RYR2: variants seen among roughly 807,000 people sequenced by gnomAD.
The protein encoded by RYR2 is ryanodine receptor 2, also known as cardiac muscle ryanodine receptor-calcium release channel.
RYR2 carries 227 observed loss-of-function variants against 601.1 expected under a neutral mutation model. That is an observed-to-expected ratio of 0.38 (90% CI 0.34 to 0.42). The LOEUF is 0.42. RYR2 is among the 10% of genes least tolerant of loss of function. The pLI, the probability that RYR2 is intolerant of heterozygous loss-of-function variation, is 1.00. For synonymous variants in RYR2, 2,223 were observed against 2,175.1 expected (o/e 1.02, Z -0.61); for missense variants, 4,646 against 6,156.5 (o/e 0.75, Z 8.21).
At chr1:237,600,929 C>G (rs1024517796) in intron 34 of RYR2, among the ~76,000 whole-genome samples, 1 of 151,962 alleles carries the variant, frequency 6.6e-6, no homozygotes, top group African/African-American at 2.4e-5. Flanking sequence ...ATCAAAAAGA[C>G]AAAAGATAAT....
intron 79 of RYR2, among the ~76,000 whole-genome samples, chr1:237,741,331 T>C (rs1691586721): frequency 1.3e-5 from 2 of 152,058 alleles, no homozygotes; most frequent in Admixed American, 6.5e-5. Context: ...ATGCCCAGAG[T>C]ACTGTGTCTC....
intron 1 of RYR2, among the ~76,000 whole-genome samples, chr1:237,218,180 T>G (rs1683394917): frequency 6.6e-6 from 1 of 152,208 alleles, no homozygotes; most frequent in African/African-American, 2.4e-5. Flanking sequence ...TAAGGGTTAT[T>G]TTTCATTTTG....
At chr1:237,430,907 G>A (rs1029509982) in intron 12 of RYR2, among the ~76,000 whole-genome samples, 1 of 152,188 alleles carries the variant, frequency 6.6e-6, no homozygotes, top group Non-Finnish European at 1.5e-5. Context: ...AGATCCTTCT[G>A]TGATTTCTGC....
chr1:237,641,027 A>G (rs1191113966), intron 47 of RYR2, 25 bp downstream of exon 47: 1 of 1,542,968 alleles, frequency 6.5e-7, no homozygotes, highest in Non-Finnish European at 8.9e-7. Flanking sequence ...GTTCAGGAGC[A>G]GCAATCCTGA....
intron 10 of RYR2, among the ~76,000 whole-genome samples, chr1:237,414,536 C>G (rs547129417): frequency 1.3e-5 from 2 of 152,102 alleles, no homozygotes; most frequent in South Asian, 2.1e-4. Context: ...ATATATGGCA[C>G]AAAATTATTT....
chr1:237,736,961 G>T (rs945485154), intron 79 of RYR2, among the ~76,000 whole-genome samples: 1 of 152,112 alleles, frequency 6.6e-6, no homozygotes, highest in Non-Finnish European at 1.5e-5. Flanking sequence ...CTAGGAGGTG[G>T]CTTGTAAGGA....
intron 80 of RYR2, among the ~76,000 whole-genome samples, chr1:237,749,912 G>A (rs1434614962): frequency 3.3e-5 from 5 of 152,122 alleles, no homozygotes; most frequent in African/African-American, 4.8e-5. Context: ...TTGGGAGGCC[G>A]AGGTGGGTGG....
chr1:237,377,748 T>C (rs1244060490), intron 8 of RYR2, among the ~76,000 whole-genome samples: 4 of 152,192 alleles, frequency 2.6e-5, no homozygotes, highest in Non-Finnish European at 5.9e-5. Context: ...GAATTAAAAA[T>C]TCTATGGTCT....
chr1:237,056,926 C>T (rs1198807050), intron 1 of RYR2, among the ~76,000 whole-genome samples: 1 of 152,214 alleles, frequency 6.6e-6, no homozygotes, highest in Admixed American at 6.5e-5. Context: ...CCATCTCGGA[C>T]TCTGGGCCTC....
At chr1:237,389,720 A>G (rs1374052914) in intron 10 of RYR2, among the ~76,000 whole-genome samples, 1 of 152,166 alleles carries the variant, frequency 6.6e-6, no homozygotes, top group East Asian at 1.9e-4. Context: ...AGGAGATGGT[A>G]CATGTTTGCT....
At chr1:237,177,228 A>G (rs1678155481) in intron 1 of RYR2, among the ~76,000 whole-genome samples, 2 of 152,210 alleles carry the variant, frequency 1.3e-5, no homozygotes, top group African/African-American at 4.8e-5. Context: ...TTGGAATGGC[A>G]ATATGTCATG....
intron 1 of RYR2, among the ~76,000 whole-genome samples, chr1:237,091,786 C>T (rs1237755488): frequency 1.3e-5 from 2 of 152,202 alleles, no homozygotes; most frequent in Non-Finnish European, 2.9e-5. Context: ...TCTCCTTCCT[C>T]TGAGTCCTAT....
chr1:237,499,544 T>C (rs1664418830), intron 20 of RYR2, among the ~76,000 whole-genome samples: 2 of 152,190 alleles, frequency 1.3e-5, no homozygotes, highest in South Asian at 4.1e-4. Flanking sequence ...ACTAGACCTT[T>C]TTCTGCATTG....
At chr1:237,811,697 A>G (rs1661272154) in intron 100 of RYR2, among the ~76,000 whole-genome samples, 1 of 152,212 alleles carries the variant, frequency 6.6e-6, no homozygotes, top group Admixed American at 6.5e-5. Flanking sequence ...TTGATGGAGA[A>G]TGCAGGGGGA....
At position 237,697,175 on chromosome 1, in the gene RYR2, ATGGGCTCTTCCCTGTACC is replaced by A. The variant is rs553153244; in HGVS notation, c.9068-1786_9068-1769del. On this transcript the variant is annotated intron_variant, in intron 63 of 104. Coordinates refer to ENST00000366574, the MANE Select transcript of RYR2 (RefSeq NM_001035.3). ...TCATTTTTTGCCTCAGAGCCTTTGCATGGGCTCTTCCCTGTACCTGGATCTCCTTCTCAGATACATGGA... is the reference window on the plus strand; with the variant it reads ...TCATTTTTTGCCTCAGAGCCTTTGCATGGATCTCCTTCTCAGATACATGGA... 5.5e-3 allele frequency among the ~76,000 whole-genome samples: 686 copies of A among 124,738 alleles called. 2 individuals are homozygous for A. Among genetic ancestry groups the A allele is most frequent in the African/African-American group, 0.018 (649 of 35,084 alleles). The allele number at this position is 124,738 out of a possible 152,430, so 81.8% of individuals were successfully genotyped here.
At chr1:237,589,701 A>C in intron 29 of RYR2, 92 bp from the exon 30 acceptor site, 1 of 1,252,476 alleles carries the variant, frequency 8.0e-7, no homozygotes, top group Non-Finnish European at 1.1e-6. Flanking sequence ...AGCTCTCACA[A>C]AGTTCGGTCC....
At chr1:237,209,772 CTTG>C (rs1558430190) in intron 1 of RYR2, among the ~76,000 whole-genome samples, 1 of 152,094 alleles carries the variant, frequency 6.6e-6, no homozygotes, top group Non-Finnish European at 1.5e-5. Flanking sequence ...GGGAGGATCA[CTTG>C]AGCCTGGGTA....
intron 1 of RYR2, among the ~76,000 whole-genome samples, chr1:237,257,934 C>T (rs779619676): frequency 3.9e-5 from 6 of 151,922 alleles, no homozygotes; most frequent in Non-Finnish European, 8.8e-5. Flanking sequence ...GAGGCCAAGG[C>T]GGGCAGATCA....
chr1:237,064,652 G>C (rs971953606), intron 1 of RYR2, among the ~76,000 whole-genome samples: 1 of 151,326 alleles, frequency 6.6e-6, no homozygotes, highest in African/African-American at 2.4e-5. Context: ...AGGCTTATTT[G>C]TCTCCATATT....
Sources: allele counts gnomAD v4.1 joint callset (sites outside exome capture counted in the v4.1 genomes callset), GRCh38; gene constraint gnomAD v4.1.1; transcripts MANE v1.5; gene names NCBI Gene and HGNC (gene_info 2026-07-23, HGNC 2026-07-21).